The following EXTL2 variants were observed in gnomAD, a reference collection of about 807,000 sequenced individuals.
EXTL2 encodes the protein exostosin-like 2.
A neutral mutation model predicts 30.7 loss-of-function variants in EXTL2; 23 were observed. That is an observed-to-expected ratio of 0.75 (90% CI 0.54 to 1.06). EXTL2 has a LOEUF of 1.06. Ranked by LOEUF, EXTL2 falls within the 50% of genes least tolerant of loss-of-function variation. The pLI, the probability that EXTL2 is intolerant of heterozygous loss-of-function variation, is 0.00. For missense variants in EXTL2, 352 were observed against 396.3 expected (o/e 0.89, Z 0.95); for synonymous variants, 123 against 133.8 (o/e 0.92, Z 0.56).
At chr1:100,874,640 C>A (rs1196326380) in intron 4 of EXTL2, among the ~76,000 whole-genome samples, 3 of 152,026 alleles carry the variant, frequency 2.0e-5, no homozygotes, top group African/African-American at 7.2e-5. Context: ...ACAACCCAAA[C>A]ATCTCTGAAA....
At chr1:100,885,291 T>C (rs775331891) in intron 2 of EXTL2, among the ~76,000 whole-genome samples, 1 of 152,236 alleles carries the variant, frequency 6.6e-6, no homozygotes, top group Non-Finnish European at 1.5e-5. Context: ...TGAAAGCTCT[T>C]GGTGAATGAG....
At chr1:100,879,863 T>G (rs556336113) in intron 2 of EXTL2, among the ~76,000 whole-genome samples, 4 of 152,270 alleles carry the variant, frequency 2.6e-5, no homozygotes, top group Admixed American at 2.6e-4. Context: ...AGTCAGGCAA[T>G]TGAAGCTAGG....
intron 2 of EXTL2, among the ~76,000 whole-genome samples, chr1:100,884,849 G>C (rs1014718125): frequency 1.3e-5 from 2 of 151,864 alleles, no homozygotes; most frequent in Non-Finnish European, 2.9e-5. Flanking sequence ...CAGTCTTAAC[G>C]TATCTTGAGG....
Position 100,874,164 on chromosome 1 carries a change from G to A in EXTL2, c.771C>T (p.Gly257=). The change falls in exon 5 of 5, where the codon GGC becomes GGT. Residue 257 remains glycine, a synonymous_variant. Transcript: ENST00000370114. ...GCTTCACAAATATCCCTGAAGTCTTGCCAATATGCTTGGCAATGATAAAAT... is the reference window on the plus strand; with the variant it reads ...GCTTCACAAATATCCCTGAAGTCTTACCAATATGCTTGGCAATGATAAAAT... ...AMNFIIAKHI[G]KTSGIFVKPV... 1 of 1,612,860 alleles carries A rather than the reference G, an allele frequency of 6.2e-7. No homozygotes were observed. The highest frequency in any genetic ancestry group is 8.5e-7 in the Non-Finnish European group (1 of 1,179,440).
rs141861165 is a variant in EXTL2, at chr1:100,891,968, C to T, written c.-72+2665G>A. The stretch of plus-strand genomic sequence containing the variant: ...GGAGTTGGTTAGGTCTGATATCTTT[C>T]ACTGTCATAATTTCCTCAGTTATAA... On this transcript the variant is annotated intron_variant, in intron 1 of 4. Transcript: ENST00000370114. Among the ~76,000 whole-genome samples the T allele has an allele frequency of 3.3e-3, 510 of 152,304 alleles. 7 individuals are homozygous for T. The highest frequency in any genetic ancestry group is 0.012 in the African/African-American group (492 of 41,552).
Position 100,877,656 on chromosome 1 carries a change from G to A in EXTL2, c.253C>T (p.His85Tyr), listed in dbSNP as rs868862279. The A allele has an allele frequency of 6.8e-6, 11 of 1,613,610 alleles. No homozygotes were observed. The highest frequency in any genetic ancestry group is 9.3e-6 in the Non-Finnish European group (11 of 1,179,688). ...TGCAGATTTGGTACAGCCTGATAAT[G>A]ATTTAAAAGTTTCAATAAGAGATCT... Reference protein sequence around the residue: ...RTDLLLKLLNHYQAVPNLHKV... With the variant: ...RTDLLLKLLNYYQAVPNLHKV... The change falls in exon 3 of 5, where the codon CAT becomes TAT. Residue 85 changes from histidine (H) to tyrosine (Y), a missense_variant. By Grantham distance (83) the His-to-Tyr change is moderately conservative. Coordinates refer to ENST00000370114, the MANE Select transcript of EXTL2 (RefSeq NM_001033025.3). The surrounding 1 kb of genome is among the most constrained non-coding windows in gnomAD (Gnocchi z 4.1).
rs1474901562 is a variant in EXTL2, at chr1:100,874,238, C to G, written c.697G>C (p.Val233Leu). 1 of 1,612,860 alleles carries G rather than the reference C, an allele frequency of 6.2e-7. No individual in the cohort carries two copies. Among genetic ancestry groups the G allele is most frequent in the African/African-American group, 1.3e-5 (1 of 74,948 alleles). ...LELFQRQPAA[V>L]HALIDDTQNC... ...TGAGTATCATCTATCAAAGCATGGA[C>G]AGCTGCAGGTTGCCTCTGAAATAAT... The change falls in exon 5 of 5, where the codon GTC (valine) becomes CTC (leucine). Residue 233 changes from valine (V) to leucine (L), a missense_variant. Coordinates refer to ENST00000370114, the MANE Select transcript of EXTL2 (RefSeq NM_001033025.3).
chr1:100,878,176 A>G (rs892107451), intron 2 of EXTL2, among the ~76,000 whole-genome samples: 1 of 152,096 alleles, frequency 6.6e-6, no homozygotes, highest in African/African-American at 2.4e-5. Context: ...ATTTGCCATC[A>G]TTTTATCACT....
At chr1:100,892,305 T>C (rs1158993459) in intron 1 of EXTL2, among the ~76,000 whole-genome samples, 3 of 152,188 alleles carry the variant, frequency 2.0e-5, no homozygotes, top group African/African-American at 7.2e-5. Flanking sequence ...AGAAGCTGAC[T>C]TGCTGAGTAT....
intron 2 of EXTL2, among the ~76,000 whole-genome samples, chr1:100,884,108 T>C (rs1380918688): frequency 6.6e-6 from 1 of 152,162 alleles, no homozygotes; most frequent in Non-Finnish European, 1.5e-5. Flanking sequence ...AAAACAAACA[T>C]GCCAGTGCAC....
chr1:100,894,265 T>C (rs1452594609), intron 1 of EXTL2, among the ~76,000 whole-genome samples: 1 of 152,106 alleles, frequency 6.6e-6, no homozygotes, highest in East Asian at 1.9e-4. Flanking sequence ...CAATTAATTT[T>C]TCCTCAGCAG....
chr1:100,882,339 C>A (rs1167967935), intron 2 of EXTL2, among the ~76,000 whole-genome samples: 1 of 152,172 alleles, frequency 6.6e-6, no homozygotes, highest in Non-Finnish European at 1.5e-5. Flanking sequence ...CAGGACAGCC[C>A]CCCATGGCAA....
At chr1:100,887,311 C>A (rs916347012) in intron 2 of EXTL2, among the ~76,000 whole-genome samples, 4 of 152,192 alleles carry the variant, frequency 2.6e-5, no homozygotes, top group Non-Finnish European at 5.9e-5. Flanking sequence ...AGTATTGAAT[C>A]TAAGATGGAA....
intron 2 of EXTL2, among the ~76,000 whole-genome samples, chr1:100,887,888 A>T (rs1022127869): frequency 4.6e-5 from 7 of 151,898 alleles, no homozygotes; most frequent in Admixed American, 1.3e-4. Flanking sequence ...TTTAGTAGAG[A>T]CGGGGTTTCA....
chr1:100,879,266 T>A (rs1649378941), intron 2 of EXTL2, among the ~76,000 whole-genome samples: 1 of 152,178 alleles, frequency 6.6e-6, no homozygotes, highest in African/African-American at 2.4e-5. Context: ...GGCTACTTAC[T>A]CTTCCACAGG....
At chr1:100,892,534 T>C (rs1021597155) in intron 1 of EXTL2, among the ~76,000 whole-genome samples, 5 of 152,186 alleles carry the variant, frequency 3.3e-5, no homozygotes, top group Non-Finnish European at 7.4e-5. Context: ...AACTTGCAGA[T>C]GGCCTATTGT....
At chr1:100,886,507 C>T (rs1649983625) in intron 2 of EXTL2, among the ~76,000 whole-genome samples, 1 of 152,212 alleles carries the variant, frequency 6.6e-6, no homozygotes, top group Admixed American at 6.5e-5. Flanking sequence ...TTTCCCTCCT[C>T]AATCCTAAGC....
intron 1 of EXTL2, among the ~76,000 whole-genome samples, chr1:100,893,791 A>G (rs963705405): frequency 1.3e-5 from 2 of 152,182 alleles, no homozygotes; most frequent in African/African-American, 4.8e-5. Context: ...TTTGGTCATT[A>G]TGCTCTTTAA....
At chr1:100,894,147 A>G (rs967010777) in intron 1 of EXTL2, among the ~76,000 whole-genome samples, 9 of 151,580 alleles carry the variant, frequency 5.9e-5, no homozygotes, top group Non-Finnish European at 8.8e-5. Context: ...AATTATTTCT[A>G]TTACTTCTCC....
Sources: gnomAD v4.1 joint callset for allele counts (sites outside exome capture counted in the v4.1 genomes callset) on GRCh38, gnomAD v4.1.1 for gene constraint, Gnocchi (gnomAD v3.1) non-coding constraint, MANE v1.5 for transcripts, NCBI Gene and HGNC (gene_info 2026-07-23, HGNC 2026-07-21) for gene names.